TGFBR2: variants seen among roughly 807,000 people sequenced by gnomAD.
The protein encoded by TGFBR2 is TGF-beta receptor type-2.
In TGFBR2, 18 loss-of-function variants were observed where a neutral mutation model predicts 49.0. That is an observed-to-expected ratio of 0.37 (90% confidence interval 0.25 to 0.54). The LOEUF is 0.54. Ranked by LOEUF, TGFBR2 falls within the 20% of genes least tolerant of loss-of-function variation. The pLI is 0.85. For missense variants in TGFBR2, 525 were observed against 722.6 expected (o/e 0.73, Z 3.13); for synonymous variants, 282 against 275.9 (o/e 1.02, Z -0.22).
At chr3:30,629,041 C>T (rs1199442189) in intron 1 of TGFBR2, among the ~76,000 whole-genome samples, 1 of 152,316 alleles carries the variant, frequency 6.6e-6, no homozygotes, top group African/African-American at 2.4e-5. Flanking sequence ...TGCCCTGCTT[C>T]TCCTTCCATT....
chr3:30,688,510 A>C lies in TGFBR2; in HGVS notation c.1523A>C (p.Gln508Pro). Residue 508 changes from glutamine to proline, a missense_variant and splice_region_variant, in exon 6 of 7, where the codon CAG becomes CCG. Gln to Pro is a moderately conservative substitution (Grantham distance 76). This residue lies in a region of TGFBR2 where 104 missense variants were observed against 133.4 expected (regional missense o/e 0.78). Transcript: ENST00000295754. ...ATTCCCAGCTTCTGGCTCAACCACC[A>C]GGTAAGGAGTGAGTGTTTACAAAGG... ...PEIPSFWLNH[Q>P]GIQMVCETLT... 6.2e-7 allele frequency: 1 copy of C among 1,614,218 alleles called. No individual in the cohort carries two copies. Among genetic ancestry groups the C allele is most frequent in the Non-Finnish European group, 8.5e-7 (1 of 1,180,014 alleles).
chr3:30,607,241 C>T (rs1363281181), intron 1 of TGFBR2, among the ~76,000 whole-genome samples: 2 of 152,212 alleles, frequency 1.3e-5, no homozygotes, highest in Non-Finnish European at 2.9e-5. Flanking sequence ...GTTGTGTTGG[C>T]CGCGTTCGAG....
At chr3:30,626,106 T>C (rs1698327062) in intron 1 of TGFBR2, among the ~76,000 whole-genome samples, 2 of 152,230 alleles carry the variant, frequency 1.3e-5, no homozygotes, top group South Asian at 4.1e-4. Context: ...GATCCCCAGA[T>C]GATTCCGATG....
At position 30,623,237 on chromosome 3, in the gene TGFBR2, C is replaced by T. The variant is rs113474008; in HGVS notation, c.94+16260C>T. 1.2e-6 allele frequency: 2 copies of T among 1,611,696 alleles called. No individual in the cohort carries two copies. The highest frequency in any genetic ancestry group is 1.7e-6 in the Non-Finnish European group (2 of 1,177,980). On this transcript the variant is annotated intron_variant, in intron 1 of 6. Coordinates refer to ENST00000295754, the MANE Select transcript of TGFBR2 (RefSeq NM_003242.6). ...GGCCCAGAAAGATGAAATCATCTGCCCCAGCTGTAATAGGACTGCCCATCC... is the reference window on the plus strand; with the variant it reads ...GGCCCAGAAAGATGAAATCATCTGCTCCAGCTGTAATAGGACTGCCCATCC...
intron 3 of TGFBR2, among the ~76,000 whole-genome samples, chr3:30,670,968 C>G (rs3773645): frequency 0.26 from 39,936 of 152,160 alleles, 5,758 homozygotes; most frequent in Admixed American, 0.35. Flanking sequence ...GAATGCTGAT[C>G]AGAGCAGAAC....
At chr3:30,670,361 C>G (rs775123121) in intron 3 of TGFBR2, among the ~76,000 whole-genome samples, 4 of 152,206 alleles carry the variant, frequency 2.6e-5, no homozygotes, top group Non-Finnish European at 5.9e-5. Flanking sequence ...CCTAAGTCCT[C>G]TACTGGGTAC....
intron 1 of TGFBR2, among the ~76,000 whole-genome samples, chr3:30,631,798 TTGAC>T (rs1006826931): frequency 2.6e-4 from 39 of 152,162 alleles, no homozygotes; most frequent in Non-Finnish European, 4.4e-5. Flanking sequence ...ACCCATTTGT[TTGAC>T]TGGTTGGAGA....
intron 5 of TGFBR2, among the ~76,000 whole-genome samples, chr3:30,680,244 C>A (rs76570392): frequency 0.029 from 4,465 of 151,836 alleles, 85 homozygotes; most frequent in East Asian, 0.093. Flanking sequence ...GCTGAGGAGA[C>A]AATCACATGT....
chr3:30,633,403 A>T (rs1190317131), intron 1 of TGFBR2, among the ~76,000 whole-genome samples: 4 of 152,226 alleles, frequency 2.6e-5, no homozygotes, highest in African/African-American at 9.6e-5. Flanking sequence ...CTTGAACTGA[A>T]ATGTGATTAT....
chr3:30,671,518 C>A (rs1699336408), intron 3 of TGFBR2, 120 bp from the exon 4 acceptor site: 9 of 991,452 alleles, frequency 9.1e-6, no homozygotes, highest in Non-Finnish European at 1.2e-5. Context: ...TTAACAATAT[C>A]GTATCTACAA....
intron 6 of TGFBR2, 105 bp downstream of exon 6, chr3:30,688,616 T>C (rs1185010414): frequency 6.8e-7 from 1 of 1,478,776 alleles, no homozygotes; most frequent in Non-Finnish European, 9.3e-7. Context: ...AAGGTCCCAT[T>C]GTGTTCTATG....
At chr3:30,633,098 A>G (rs1459972503) in intron 1 of TGFBR2, among the ~76,000 whole-genome samples, 3 of 152,154 alleles carry the variant, frequency 2.0e-5, no homozygotes, top group Non-Finnish European at 2.9e-5. Flanking sequence ...TATCTATTTC[A>G]TTGTGGAGTA....
chr3:30,671,206 C>T (rs1255956204), intron 3 of TGFBR2, among the ~76,000 whole-genome samples: 1 of 152,154 alleles, frequency 6.6e-6, no homozygotes, highest in African/African-American at 2.4e-5. Context: ...GTGAAGAAGA[C>T]ATGGTACCTT....
intron 6 of TGFBR2, among the ~76,000 whole-genome samples, chr3:30,688,919 G>A (rs1699667277): frequency 6.6e-6 from 1 of 152,224 alleles, no homozygotes; most frequent in Admixed American, 6.5e-5. Flanking sequence ...TGCAAAACAA[G>A]CAGGGTTTGT....
chr3:30,656,561 A>G (rs1281498011), intron 3 of TGFBR2, among the ~76,000 whole-genome samples: 1 of 152,176 alleles, frequency 6.6e-6, no homozygotes, highest in African/African-American at 2.4e-5. Flanking sequence ...GAATCAGTTC[A>G]TTCTTGGGTT....
chr3:30,675,447 C>T (rs1224758963), intron 5 of TGFBR2, among the ~76,000 whole-genome samples: 3 of 150,276 alleles, frequency 2.0e-5, no homozygotes, highest in Non-Finnish European at 2.9e-5. Flanking sequence ...AGTGCAATGG[C>T]GCAATCTCGG....
At chr3:30,688,555 T>C (rs201998561) in intron 6 of TGFBR2, 44 bp downstream of exon 6, 2 of 1,613,272 alleles carry the variant, frequency 1.2e-6, no homozygotes, top group African/African-American at 2.7e-5. Context: ...TTCAACCAAG[T>C]TGCCTCTTAG....
chr3:30,621,344 G>A (rs1438795604), intron 1 of TGFBR2, among the ~76,000 whole-genome samples: 5 of 133,714 alleles, frequency 3.7e-5, no homozygotes, highest in Non-Finnish European at 7.6e-5. Context: ...ACAATGGCAC[G>A]ACCTCAGCTC....
At chr3:30,674,348 G>GATCTCAACT in intron 5 of TGFBR2, 102 bp downstream of exon 5, 2 of 1,447,198 alleles carry the variant, frequency 1.4e-6, no homozygotes, top group South Asian at 1.1e-5. Context: ...GCAGTTATTA[G>GATCTCAACT]AGCTAGTTGA....
Sources: allele counts gnomAD v4.1 joint callset (sites outside exome capture counted in the v4.1 genomes callset), GRCh38; gene constraint gnomAD v4.1.1; regional missense constraint gnomAD v4.1.1; transcripts MANE v1.5; gene names NCBI Gene and HGNC (gene_info 2026-07-23, HGNC 2026-07-21).